The following NCKIPSD variants were observed in gnomAD, a reference collection of about 807,000 sequenced individuals.
NCKIPSD encodes the protein NCK interacting protein with SH3 domain, also known as NCK-interacting protein with SH3 domain.
NCKIPSD carries 48 observed loss-of-function variants against 73.4 expected under a neutral mutation model. That is an observed-to-expected ratio of 0.65 (90% confidence interval 0.52 to 0.83). The LOEUF is 0.83. Ranked by LOEUF, NCKIPSD falls within the 40% of genes least tolerant of loss-of-function variation. The probability of loss-of-function intolerance (pLI) is 0.00; values close to 1 mark genes in which losing one functional copy is unlikely to be tolerated. For missense variants in NCKIPSD, 884 were observed against 970.2 expected (o/e 0.91, Z 1.18); for synonymous variants, 422 against 403.6 (o/e 1.05, Z -0.54).
At chr3:48,676,790 G>A (rs1166334917) in intron 12 of NCKIPSD, among the ~76,000 whole-genome samples, 1 of 151,676 alleles carries the variant, frequency 6.6e-6, no homozygotes, top group Non-Finnish European at 1.5e-5. Flanking sequence ...ACTGCACCTG[G>A]CCAACATCCC....
intron 3 of NCKIPSD, 62 bp downstream of exon 3, chr3:48,682,286 G>T: frequency 6.2e-7 from 1 of 1,600,318 alleles, no homozygotes; most frequent in Non-Finnish European, 8.5e-7. Flanking sequence ...GACCCCTTGA[G>T]CCTCTGGATG....
At position 48,682,921 on chromosome 3, in the gene NCKIPSD, T is replaced by C; in HGVS notation, c.263A>G (p.Glu88Gly). 6.4e-7 allele frequency: 1 copy of C among 1,551,916 alleles called. No individual in the cohort carries two copies. Among genetic ancestry groups the C allele is most frequent in the East Asian group, 2.4e-5 (1 of 41,224 alleles). The change falls in exon 2 of 13, where the codon GAA (glutamate) becomes GGA (glycine). Residue 88 changes from glutamate (E) to glycine (G), a missense_variant. Glu to Gly is a moderately conservative substitution (Grantham distance 98, BLOSUM62 -2). Transcript: ENST00000294129. ...AMRDGGKYSL[E>G]QRGVLQKLIH... ...CACTCACTGGAGGACTCCACGCTGTTCCAGGCTGTACTTGCCACCATCCCG... is the reference window on the plus strand; with the variant it reads ...CACTCACTGGAGGACTCCACGCTGTCCCAGGCTGTACTTGCCACCATCCCG...
At position 48,685,769 on chromosome 3, in the gene NCKIPSD, G is replaced by A. The variant is rs1470802877; in HGVS notation, c.39C>T (p.Pro13=). 2.6e-6 allele frequency: 4 copies of A among 1,532,098 alleles called. No individual in the cohort carries two copies. The highest frequency in any genetic ancestry group is 1.2e-5 in the South Asian group (1 of 83,430). 94.9% of individuals were successfully genotyped at this position (1,532,098 alleles called of 1,614,324 possible). The change falls in exon 1 of 13, where the codon CCC becomes CCT. Residue 13 remains proline, a synonymous_variant. Transcript: ENST00000294129. ...CGCCCGCGGCGAACGCCAGCGCGTTGGGCTCCGCCGAGCGGAACGCGTACA... is the reference window on the plus strand; with the variant it reads ...CGCCCGCGGCGAACGCCAGCGCGTTAGGCTCCGCCGAGCGGAACGCGTACA... ...RALYAFRSAE[P]NALAFAAGET...
Position 48,685,619 on chromosome 3 carries a change from G to A in NCKIPSD, c.171+18C>T, listed in dbSNP as rs2077425377. 2 of 1,514,460 alleles carry A rather than the reference G, an allele frequency of 1.3e-6. No homozygotes were observed. The highest frequency in any genetic ancestry group is 1.8e-6 in the Non-Finnish European group (2 of 1,137,796). The allele number at this position is 1,514,460 out of a possible 1,614,324, so 93.8% of individuals were successfully genotyped here. ...TGCCCCAGGGGCGCGGAGGCCGGGC[G>A]GGAAGGGGCGCACTCACCTGCAGGC... On this transcript the variant is annotated intron_variant, in intron 1 of 12. Transcript: ENST00000294129.
chr3:48,678,986 G>A lies in NCKIPSD; in HGVS notation c.1700-17C>T, dbSNP rs999631669. 1.2e-6 allele frequency: 2 copies of A among 1,614,114 alleles called. No homozygotes were observed. Among genetic ancestry groups the A allele is most frequent in the Non-Finnish European group, 1.7e-6 (2 of 1,180,014 alleles). ...GGTCAGCAGCTAAGGAAGGACATGG[G>A]TATAGACAGGGTGCTGAGCCTGAGA... On this transcript the variant is annotated splice_polypyrimidine_tract_variant and intron_variant, in intron 10 of 12. Transcript: ENST00000294129.
At chr3:48,684,763 T>C (rs1318681776) in intron 1 of NCKIPSD, among the ~76,000 whole-genome samples, 1 of 152,094 alleles carries the variant, frequency 6.6e-6, no homozygotes, top group Non-Finnish European at 1.5e-5. Context: ...CAGCTTCCAC[T>C]GGAAGGAAAT....
rs2077427066 is a variant in NCKIPSD, at chr3:48,685,712, C to T, written c.96G>A (p.Ala32=). 1 of 1,528,572 alleles carries T rather than the reference C, an allele frequency of 6.5e-7. No homozygotes were observed. The highest frequency in any genetic ancestry group is 1.2e-5 in the South Asian group (1 of 83,648). 94.7% of individuals were successfully genotyped at this position (1,528,572 alleles called of 1,614,324 possible). ...GCGCCCGCGCGGCCAGCCACCAGTG[C>T]GCGCTGCTTCGCTCTAGCACCAGGA... ...ETFLVLERSS[A]HWWLAARARS... The change falls in exon 1 of 13, where the codon GCG becomes GCA. Residue 32 remains alanine (A), a synonymous_variant. Transcript: ENST00000294129.
At chr3:48,676,132 C>G (rs1008783068) in intron 12 of NCKIPSD, among the ~76,000 whole-genome samples, 1 of 152,206 alleles carries the variant, frequency 6.6e-6, no homozygotes, top group African/African-American at 2.4e-5. Flanking sequence ...CTGCCTGAGC[C>G]TCCCACTGCT....
chr3:48,680,224 G>A lies in NCKIPSD; in HGVS notation c.1098C>T (p.Leu366=). ...VLLSLVEGKD[L]SMALPSGQVC... is the part of the protein sequence containing the mutation. ...CCTGCCCTGAGGGCAGGGCCATGCT[G>A]AGGTCCTAGAGGGAGAGGGCAAGGC... The change falls in exon 6 of 13, where the codon CTC becomes CTT. Residue 366 remains leucine (L), a synonymous_variant. Transcript: ENST00000294129. The A allele has an allele frequency of 3.1e-6, 5 of 1,606,676 alleles. No homozygotes were observed. The highest frequency in any genetic ancestry group is 1.1e-5 in the South Asian group (1 of 90,518).
At chr3:48,678,040 A>G (rs1224666457) in intron 12 of NCKIPSD, among the ~76,000 whole-genome samples, 2 of 152,058 alleles carry the variant, frequency 1.3e-5, no homozygotes, top group African/African-American at 4.8e-5. Context: ...AACTTCAAAA[A>G]TCAGCACTTC....
At chr3:48,684,932 G>A (rs2077411388) in intron 1 of NCKIPSD, among the ~76,000 whole-genome samples, 1 of 144,938 alleles carries the variant, frequency 6.9e-6, no homozygotes, top group South Asian at 2.1e-4. Context: ...GTGTCAGCAG[G>A]GGCATGGGTC....
At chr3:48,675,568 G>T (rs920218212) in intron 12 of NCKIPSD, among the ~76,000 whole-genome samples, 1 of 144,304 alleles carries the variant, frequency 6.9e-6, no homozygotes, top group African/African-American at 2.6e-5. Context: ...TTGAGACAGG[G>T]TCTCGTGCTG....
intron 1 of NCKIPSD, among the ~76,000 whole-genome samples, chr3:48,683,354 C>T (rs2077386232): frequency 6.6e-6 from 1 of 152,206 alleles, no homozygotes; most frequent in Admixed American, 6.5e-5. Flanking sequence ...GGAGCGCATA[C>T]CTCGTCTATC....
rs1478277794 is a variant in NCKIPSD at position 48,674,380 on chromosome 3, T to TAC, written c.*162_*163dup. 6.2e-6 allele frequency: 9 copies of TAC among 1,449,896 alleles called. No individual in the cohort carries two copies. The highest frequency in any genetic ancestry group is 8.2e-6 in the Non-Finnish European group (9 of 1,103,558). The allele number at this position is 1,449,896 out of a possible 1,614,324, so 89.8% of individuals were successfully genotyped here. ...GCTCCCAGACCATGGTCCCCAATCC[T>TAC]ACACTTGGCCCCTCTCTTAAGTTCT... On this transcript the variant is annotated 3_prime_UTR_variant, in exon 13 of 13. Coordinates refer to ENST00000294129, the MANE Select transcript of NCKIPSD (RefSeq NM_016453.4).
intron 12 of NCKIPSD, among the ~76,000 whole-genome samples, chr3:48,675,530 T>TATATG (rs2077241409): frequency 1.5e-5 from 2 of 137,208 alleles, no homozygotes; most frequent in African/African-American, 5.6e-5. Flanking sequence ...ATATATATGA[T>TATATG]ATATATATAT....
chr3:48,678,996 G>A, intron 10 of NCKIPSD, 27 bp from the exon 11 acceptor site: 1 of 1,614,122 alleles, frequency 6.2e-7, no homozygotes. Flanking sequence ...GTATAGACAG[G>A]GTGCTGAGCC....
In NCKIPSD at chr3:48,683,091, C is replaced by T. The variant is rs1313382725; in HGVS notation, c.172-79G>A. ...GCCCAGGCCCAGCCCGAGATAGAAC[C>T]CAGGGCAGAGAACCAATATAGCGAA... On this transcript the variant is annotated intron_variant, in intron 1 of 12. Transcript: ENST00000294129. 2.6e-6 allele frequency: 4 copies of T among 1,539,018 alleles called. No homozygotes were observed. In the South Asian group the frequency reaches 4.8e-5, roughly 18 times the overall value.
chr3:48,678,748 G>A lies in NCKIPSD; in HGVS notation c.1793-12C>T, dbSNP rs1422117721. 1 of 1,612,512 alleles carries A rather than the reference G, an allele frequency of 6.2e-7. No individual in the cohort carries two copies. The highest frequency in any genetic ancestry group is 1.3e-5 in the African/African-American group (1 of 75,014). ...GCGCACAGGGTCATCTAGGAGGCAG[G>A]GGTCATAGCGGTCAGGGTGGACCTT... On this transcript the variant is annotated splice_polypyrimidine_tract_variant and intron_variant, in intron 11 of 12. Transcript: ENST00000294129.
intron 2 of NCKIPSD, 29 bp from the exon 3 acceptor site, chr3:48,682,581 G>C: frequency 1.9e-6 from 3 of 1,609,472 alleles, no homozygotes; most frequent in Non-Finnish European, 2.5e-6. Flanking sequence ...GACTATTGGG[G>C]GGTTGCATCT....
Sources: allele counts gnomAD v4.1 joint callset (sites outside exome capture counted in the v4.1 genomes callset), GRCh38; gene constraint gnomAD v4.1.1; transcripts MANE v1.5; gene names NCBI Gene and HGNC (gene_info 2026-07-23, HGNC 2026-07-21).